Variants in TRPM8 observed in about 807,000 individuals in gnomAD.
The protein encoded by TRPM8 is TRPM8 cationic channel.
A neutral mutation model predicts 133.7 loss-of-function variants in TRPM8; 110 were observed. The observed-to-expected ratio is 0.82, with a 90% CI of 0.70 to 0.96. TRPM8 has a LOEUF of 0.96. Among genes scored for constraint, TRPM8 ranks in the 40% least tolerant of loss-of-function variants. The probability of loss-of-function intolerance (pLI) is 0.00; values close to 1 mark genes in which losing one functional copy is unlikely to be tolerated. For synonymous variants in TRPM8, 535 were observed against 532.3 expected, an observed-to-expected ratio of 1.01 and a Z score of -0.07; for missense variants, 1,291 against 1,379.5, an observed-to-expected ratio of 0.94 and a Z score of 1.02.
chr2:233,993,655 T>A (rs1384703089), intron 21 of TRPM8, among the ~76,000 whole-genome samples: 1 of 152,170 alleles, frequency 6.6e-6, no homozygotes, highest in East Asian at 1.9e-4. Flanking sequence ...TTTCCCTGAC[T>A]CCAAGTGGCC....
intron 12 of TRPM8, among the ~76,000 whole-genome samples, chr2:233,961,980 T>A (rs1211443121): frequency 6.6e-6 from 1 of 152,178 alleles, no homozygotes; most frequent in Non-Finnish European, 1.5e-5. Context: ...TGAAGGTATC[T>A]AACAGGGAAT....
chr2:233,993,148 T>A (rs1692324177), intron 21 of TRPM8, among the ~76,000 whole-genome samples: 1 of 152,200 alleles, frequency 6.6e-6, no homozygotes, highest in Non-Finnish European at 1.5e-5. Flanking sequence ...CAAAACGGCT[T>A]TTGGGTATTA....
chr2:233,964,373 G>A (rs562812746), intron 13 of TRPM8, among the ~76,000 whole-genome samples: 18 of 151,708 alleles, frequency 1.2e-4, no homozygotes, highest in African/African-American at 4.4e-4. Flanking sequence ...CCAACATGGC[G>A]AAACCCCGTC....
chr2:233,992,338 T>C (rs947711316), intron 21 of TRPM8, among the ~76,000 whole-genome samples: 2 of 152,118 alleles, frequency 1.3e-5, no homozygotes, highest in African/African-American at 4.8e-5. Flanking sequence ...CTAGCAGTTA[T>C]TGAAATGCTA....
At chr2:233,933,241 G>A (rs191592166) in intron 3 of TRPM8, among the ~76,000 whole-genome samples, 1 of 152,232 alleles carries the variant, frequency 6.6e-6, no homozygotes, top group East Asian at 1.9e-4. Context: ...CTTCCCTGGT[G>A]GAAATATTCT....
At chr2:233,995,103 G>A (rs1291939611) in intron 21 of TRPM8, among the ~76,000 whole-genome samples, 1 of 152,256 alleles carries the variant, frequency 6.6e-6, no homozygotes, top group East Asian at 1.9e-4. Flanking sequence ...AATAGACGTG[G>A]GGCTGGATTG....
At chr2:233,949,635 C>T (rs1316849273) in intron 8 of TRPM8, among the ~76,000 whole-genome samples, 1 of 152,154 alleles carries the variant, frequency 6.6e-6, no homozygotes, top group South Asian at 2.1e-4. Context: ...TCTATTATGT[C>T]AGTACTTGGA....
rs1280615275 is a variant in TRPM8, at chr2:233,927,926, C to CTT, written c.117+1273_117+1274insTT. 3.0e-3 allele frequency among the ~76,000 whole-genome samples: 64 copies of CTT among 21,076 alleles called. 5 individuals are homozygous for CTT. The highest frequency in any genetic ancestry group is 0.013 in the African/African-American group (52 of 4,058). The allele number at this position is 21,076 out of a possible 152,430, so 13.8% of individuals were successfully genotyped here. On this transcript the variant is annotated intron_variant, in intron 2 of 25. Transcript: ENST00000324695. ...TCTTTCTTTCTCTCTCTCTCTCTTTCTCTCTCTCTCTCTCTCTCTCTCTCT... is the reference window on the plus strand; with the variant it reads ...TCTTTCTTTCTCTCTCTCTCTCTTTCTTTCTCTCTCTCTCTCTCTCTCTCTCT...
At chr2:233,978,445 A>G (rs1184453218) in intron 17 of TRPM8, among the ~76,000 whole-genome samples, 3 of 152,038 alleles carry the variant, frequency 2.0e-5, no homozygotes, top group Non-Finnish European at 4.4e-5. Context: ...TGAAACTGCA[A>G]TTTCTTACAA....
Position 233,937,493 on chromosome 2 carries a change from TG to T in TRPM8, c.336del (p.Lys113ArgfsTer21). ...DAFGDIQFETLGKKGKYIRLS... is the reference protein window; with the variant it reads ...DAFGDIQFETXGKKGKYIRLS... Reference sequence around the variant, plus strand: ...TTTGGGGATATTCAGTTTGAGACACTGGGGAAGAAAGGGAAGGTAAGCAATG... The same window carrying T: ...TTTGGGGATATTCAGTTTGAGACACTGGGAAGAAAGGGAAGGTAAGCAATG... On this transcript the variant is annotated frameshift_variant, in exon 4 of 26. Coordinates refer to ENST00000324695, the MANE Select transcript of TRPM8 (RefSeq NM_024080.5). LOFTEE classifies it high-confidence loss of function. 1 of 1,613,048 alleles carries T rather than the reference TG, an allele frequency of 6.2e-7. No homozygotes were observed. The highest frequency in any genetic ancestry group is 8.5e-7 in the Non-Finnish European group (1 of 1,179,626).
At chr2:234,008,511 C>A (rs909608424) in intron 24 of TRPM8, among the ~76,000 whole-genome samples, 1 of 152,320 alleles carries the variant, frequency 6.6e-6, no homozygotes, top group East Asian at 1.9e-4. Flanking sequence ...ATTGGAAATG[C>A]GTGAGTACGC....
At chr2:233,966,396 G>A (rs778287709) in intron 14 of TRPM8, among the ~76,000 whole-genome samples, 75 of 152,202 alleles carry the variant, frequency 4.9e-4, no homozygotes, top group Non-Finnish European at 1.1e-3. Flanking sequence ...GTCACCTGCT[G>A]CCATCAGGAG....
intron 21 of TRPM8, among the ~76,000 whole-genome samples, chr2:233,990,542 A>G (rs1029698853): frequency 3.9e-5 from 6 of 152,202 alleles, no homozygotes; most frequent in Admixed American, 1.3e-4. Flanking sequence ...CATCCATCGC[A>G]TGTCTTATAA....
At position 233,930,689 on chromosome 2, in the gene TRPM8, G is replaced by A; in HGVS notation, c.139G>A (p.Ala47Thr). 2.5e-6 allele frequency: 4 copies of A among 1,608,870 alleles called. No individual in the cohort carries two copies. Among genetic ancestry groups the A allele is most frequent in the Non-Finnish European group, 3.4e-6 (4 of 1,176,286 alleles). Reference protein sequence around the residue: ...SESDLVNFIQANFKKRECVFF... With the variant: ...SESDLVNFIQTNFKKRECVFF... ...AAAGGACTTGGTGAATTTTATTCAA[G>A]CAAATTTTAAGAAACGAGAATGTGT... Residue 47 changes from alanine (A) to threonine (T), a missense_variant, in exon 3 of 26, where the codon GCA becomes ACA. Physicochemically the swap from Ala to Thr is moderately conservative, Grantham distance 58. Around this residue, in one of 2 missense-constraint regions of TRPM8, gnomAD observed 963 missense variants for 968.9 expected, o/e 0.99. Coordinates refer to ENST00000324695, the MANE Select transcript of TRPM8 (RefSeq NM_024080.5).
chr2:233,968,845 C>T (rs536526364), intron 15 of TRPM8, among the ~76,000 whole-genome samples: 4 of 152,210 alleles, frequency 2.6e-5, no homozygotes, highest in South Asian at 2.1e-4. Flanking sequence ...TCTGTCCCAA[C>T]GTCAAGGGTT....
rs895001935 is a variant in TRPM8, at chr2:233,980,495, T to C, written c.2447+216T>C. On this transcript the variant is annotated intron_variant, in intron 18 of 25. Transcript: ENST00000324695. ...CTGATGTGTAATTTAAAAGGGGTCC[T>C]GCATGATTTTTCTCTTTGTTCTTAA... 3.9e-5 allele frequency among the ~76,000 whole-genome samples: 6 copies of C among 152,322 alleles called. No individual in the cohort carries two copies. The Middle Eastern group carries it at 0.01, about 259-fold the overall frequency.
rs115289055 is a variant in TRPM8 at position 233,969,829 on chromosome 2, C to T, written c.2138+22C>T. 1,972 of 1,460,310 alleles carry T rather than the reference C, an allele frequency of 1.4e-3. 26 individuals carry two copies. The African/African-American group carries it at 0.025, about 18-fold the overall frequency. The allele number at this position is 1,460,310 out of a possible 1,614,324, so 90.5% of individuals were successfully genotyped here. A position where few individuals can be genotyped will look rare whatever the true frequency, so the allele number is the denominator to read the frequency against. On this transcript the variant is annotated intron_variant, in intron 16 of 25. Transcript: ENST00000324695. ...TTAGGTACAAACCAAGGCACATAAT[C>T]GTGTGTGAGTGTGTGTGCCAGTGTG...
At chr2:234,001,834 G>C (rs576682519) in intron 22 of TRPM8, among the ~76,000 whole-genome samples, 1 of 152,272 alleles carries the variant, frequency 6.6e-6, no homozygotes, top group South Asian at 2.1e-4. Flanking sequence ...ATAATTTCGC[G>C]GAGAGCCTGC....
At chr2:233,938,611 G>T (rs1226993163) in intron 4 of TRPM8, among the ~76,000 whole-genome samples, 1 of 152,104 alleles carries the variant, frequency 6.6e-6, no homozygotes, top group Non-Finnish European at 1.5e-5. Flanking sequence ...AACGAGAGGG[G>T]GCTTCCAGGT....
Sources: allele counts gnomAD v4.1 joint callset (sites outside exome capture counted in the v4.1 genomes callset), GRCh38; gene constraint gnomAD v4.1.1; regional missense constraint gnomAD v4.1.1; transcripts MANE v1.5; gene names NCBI Gene and HGNC (gene_info 2026-07-23, HGNC 2026-07-21).